SPOCK3: variants seen among roughly 807,000 people sequenced by gnomAD.
SPOCK3 encodes SPARC (osteonectin), cwcv and kazal like domains proteoglycan 3, also known as testican-3.
In SPOCK3, 30 loss-of-function variants were observed where a neutral mutation model predicts 56.6. The observed-to-expected ratio is 0.53, with a 90% confidence interval of 0.40 to 0.72. The LOEUF (loss-of-function observed/expected upper bound fraction) is 0.72, where lower values mean the gene tolerates loss of function less well. Among genes scored for constraint, SPOCK3 ranks in the 30% least tolerant of loss-of-function variants. SPOCK3 has a pLI of 0.00. For missense variants in SPOCK3, 527 were observed against 530.0 expected, an observed-to-expected ratio of 0.99 and a Z score of 0.06; for synonymous variants, 196 against 183.3, an observed-to-expected ratio of 1.07 and a Z score of -0.56.
At chr4:166,985,990 A>C (rs74542959) in intron 4 of SPOCK3, among the ~76,000 whole-genome samples, 3 of 152,124 alleles carry the variant, frequency 2.0e-5, no homozygotes, top group Admixed American at 6.5e-5. Context: ...AAAATATATA[A>C]AATTCTGAAT....
At chr4:166,895,624 G>A (rs10014429) in intron 5 of SPOCK3, among the ~76,000 whole-genome samples, 1 of 152,030 alleles carries the variant, frequency 6.6e-6, no homozygotes, top group Non-Finnish European at 1.5e-5. Context: ...TAACTAAATT[G>A]TTACATTAAC....
intron 4 of SPOCK3, among the ~76,000 whole-genome samples, chr4:166,940,744 G>A (rs567703577): frequency 6.1e-5 from 9 of 148,540 alleles, no homozygotes; most frequent in African/African-American, 2.0e-4. Context: ...TCCTTTACAG[G>A]AGTCTTACAT....
chr4:166,924,043 T>C (rs1278429087), intron 4 of SPOCK3, among the ~76,000 whole-genome samples: 1 of 152,156 alleles, frequency 6.6e-6, no homozygotes, highest in East Asian at 1.9e-4. Context: ...AGGCTTAGTG[T>C]CACAGAATTG....
chr4:166,955,631 A>T (rs1743356062), intron 4 of SPOCK3, among the ~76,000 whole-genome samples: 1 of 146,390 alleles, frequency 6.8e-6, no homozygotes, highest in East Asian at 1.9e-4. Flanking sequence ...ATATAATTTA[A>T]TTATATTAAA....
chr4:167,127,291 A>T (rs753491002), intron 2 of SPOCK3, among the ~76,000 whole-genome samples: 1 of 152,158 alleles, frequency 6.6e-6, no homozygotes, highest in Admixed American at 6.5e-5. Flanking sequence ...TACACAATCA[A>T]GTCGAACTGA....
intron 6 of SPOCK3, among the ~76,000 whole-genome samples, chr4:166,854,303 C>A (rs753869638): frequency 6.6e-6 from 1 of 152,158 alleles, no homozygotes; most frequent in Non-Finnish European, 1.5e-5. Flanking sequence ...ACATGGTAAT[C>A]TGTACACAAT....
intron 6 of SPOCK3, among the ~76,000 whole-genome samples, chr4:166,820,316 C>T (rs1392281430): frequency 6.6e-6 from 1 of 151,816 alleles, no homozygotes; most frequent in African/African-American, 2.4e-5. Context: ...ATAGATAAAA[C>T]TATTATTCAT....
intron 4 of SPOCK3, among the ~76,000 whole-genome samples, chr4:166,958,949 G>A (rs187207785): frequency 6.6e-6 from 1 of 152,072 alleles, no homozygotes; most frequent in South Asian, 2.1e-4. Flanking sequence ...GTTGGGGAAG[G>A]GAAGAGAGTG....
chr4:167,026,310 T>G (rs1022001372), intron 3 of SPOCK3, among the ~76,000 whole-genome samples: 14 of 152,112 alleles, frequency 9.2e-5, no homozygotes, highest in Admixed American at 5.2e-4. Flanking sequence ...TTAGTTGCCA[T>G]GTATGTTAGA....
At chr4:166,810,929 C>G (rs1302092859) in intron 6 of SPOCK3, among the ~76,000 whole-genome samples, 1 of 151,822 alleles carries the variant, frequency 6.6e-6, no homozygotes, top group African/African-American at 2.4e-5. Context: ...TCTACTTCTA[C>G]AAATAGGATT....
intron 9 of SPOCK3, among the ~76,000 whole-genome samples, chr4:166,741,568 G>A (rs1021485647): frequency 2.0e-5 from 3 of 151,968 alleles, no homozygotes; most frequent in Admixed American, 6.6e-5. Context: ...AAACACTAAT[G>A]AAAAATACCA....
chr4:167,015,973 A>G (rs1231432881), intron 3 of SPOCK3, among the ~76,000 whole-genome samples: 1 of 152,106 alleles, frequency 6.6e-6, no homozygotes. Context: ...ATCTAAAGAC[A>G]CTGGGAATTT....
At chr4:166,899,243 TATC>T (rs1333703948) in intron 5 of SPOCK3, among the ~76,000 whole-genome samples, 6 of 39,062 alleles carry the variant, frequency 1.5e-4, no homozygotes, top group Admixed American at 2.6e-4. Context: ...AATCTCCTCA[TATC>T]TATCTATCTA....
At chr4:167,122,878 T>C (rs1761978343) in intron 2 of SPOCK3, among the ~76,000 whole-genome samples, 1 of 152,032 alleles carries the variant, frequency 6.6e-6, no homozygotes, top group African/African-American at 2.4e-5. Context: ...TTACCAAACA[T>C]CTTTATCTTT....
chr4:167,171,869 T>TA (rs1457148688), intron 2 of SPOCK3, among the ~76,000 whole-genome samples: 3 of 148,068 alleles, frequency 2.0e-5, no homozygotes, highest in South Asian at 2.2e-4. Context: ...AAAGTAAATT[T>TA]AAAAAAAAAG....
At chr4:166,956,006 C>T (rs564078496) in intron 4 of SPOCK3, among the ~76,000 whole-genome samples, 31 of 152,226 alleles carry the variant, frequency 2.0e-4, no homozygotes, top group African/African-American at 5.8e-4. Context: ...TACATTGTCA[C>T]TAACTCCAAC....
In SPOCK3 at chr4:167,189,533, A is replaced by G. The variant is rs913285034; in HGVS notation, c.189+44452T>C. Among the ~76,000 whole-genome samples the G allele has an allele frequency of 4.8e-5, 7 of 145,712 alleles. 1 individual carries two copies. In the Admixed American group the frequency reaches 4.9e-4, roughly 10 times the overall value. On this transcript the variant is annotated intron_variant, in intron 2 of 10. Coordinates refer to ENST00000357545, the MANE Select transcript of SPOCK3 (RefSeq NM_001040159.2). ...AAAATTGTATGTTTCAAGGTGTACA[A>G]TGTGATTATTACATACACATTGTGA...
intron 6 of SPOCK3, 93 bp downstream of exon 6, chr4:166,889,037 A>G: frequency 2.6e-6 from 2 of 777,148 alleles, no homozygotes; most frequent in Non-Finnish European, 4.4e-6. Context: ...TATAAAAACA[A>G]ACTTCATTGT....
chr4:166,742,000 G>C lies in SPOCK3; in HGVS notation c.991C>G (p.Leu331Val). ...IQKRQGVKKL[L>V]GQYIPLCDED... ...AGAAGAATGATCTATTACTCACCTA[G>C]GAGCTTCTTTACCCCTTGCCGCTTC... The change falls in exon 9 of 11, where the codon CTA becomes GTA. Residue 331 changes from leucine (L) to valine (V), a missense_variant. By Grantham distance (32) the Leu-to-Val change is conservative. Transcript: ENST00000357545. 1.2e-6 allele frequency: 2 copies of C among 1,610,214 alleles called. No homozygotes were observed. The highest frequency in any genetic ancestry group is 1.7e-6 in the Non-Finnish European group (2 of 1,176,876).
Sources: gnomAD v4.1 joint callset for allele counts (sites outside exome capture counted in the v4.1 genomes callset) on GRCh38, gnomAD v4.1.1 for gene constraint, MANE v1.5 for transcripts, NCBI Gene and HGNC (gene_info 2026-07-23, HGNC 2026-07-21) for gene names.